Variants in MICU3 observed in about 807,000 individuals in gnomAD.
MICU3 encodes the protein calcium uptake protein 3, mitochondrial.
In MICU3, 62 loss-of-function variants were observed where a neutral mutation model predicts 66.5. That is an observed-to-expected ratio of 0.93 (90% CI 0.76 to 1.15). MICU3 has a LOEUF of 1.15. MICU3 is among the 50% of genes most tolerant of loss of function. The pLI is 0.00. For missense variants in MICU3, 779 were observed against 664.4 expected (o/e 1.17, Z -1.90); for synonymous variants, 308 against 240.7 (o/e 1.28, Z -2.59).
intron 1 of MICU3, among the ~76,000 whole-genome samples, chr8:17,060,472 C>T (rs890110812): frequency 5.9e-5 from 9 of 151,902 alleles, no homozygotes; most frequent in African/African-American, 1.5e-4. Context: ...CCACCACACC[C>T]GGCCAATTTT....
chr8:17,037,738 C>T (rs539870533), intron 1 of MICU3, among the ~76,000 whole-genome samples: 3 of 152,318 alleles, frequency 2.0e-5, no homozygotes, highest in South Asian at 4.1e-4. Flanking sequence ...AAGCCACAGA[C>T]ACTCAACATC....
intron 2 of MICU3, among the ~76,000 whole-genome samples, chr8:17,066,531 A>G (rs1286854459): frequency 2.4e-5 from 3 of 125,160 alleles, no homozygotes; most frequent in East Asian, 4.7e-4. Flanking sequence ...ATATATATAT[A>G]TATATATATA....
rs561450288 is a variant in MICU3 at position 17,067,932 on chromosome 8, T to C, written c.536-1756T>C. ...TAAATGTTGAGATATCTGTTGATTA[T>C]GATTTTGCATTATAATCTTATTTTG... On this transcript the variant is annotated intron_variant, in intron 2 of 14. Coordinates refer to ENST00000318063, the MANE Select transcript of MICU3 (RefSeq NM_181723.3). Among the ~76,000 whole-genome samples, 47 of 151,004 alleles carry C rather than the reference T, an allele frequency of 3.1e-4. No individual in the cohort carries two copies. In the East Asian group the frequency reaches 8.9e-3, roughly 29 times the overall value.
chr8:17,030,770 A>G (rs955764320), intron 1 of MICU3, among the ~76,000 whole-genome samples: 13 of 152,164 alleles, frequency 8.5e-5, no homozygotes, highest in African/African-American at 3.1e-4. Context: ...ATAGCTCCAT[A>G]GTTCCCAAGG....
intron 9 of MICU3, among the ~76,000 whole-genome samples, chr8:17,103,250 G>T (rs1384853430): frequency 2.6e-5 from 4 of 151,862 alleles, no homozygotes; most frequent in Admixed American, 6.6e-5. Flanking sequence ...CTTTATGAAA[G>T]ATTAGGAAGA....
the MICU3 span, among the ~76,000 whole-genome samples, chr8:17,136,142 G>C: frequency 3.7e-3 from 558 of 151,948 alleles, 6 homozygotes; most frequent in African/African-American, 0.013. Flanking sequence ...TCATCATCAT[G>C]GTTATTAACC....
intron 11 of MICU3, among the ~76,000 whole-genome samples, chr8:17,111,058 A>G (rs1802163534): frequency 6.6e-6 from 1 of 152,150 alleles, no homozygotes; most frequent in Admixed American, 6.5e-5. Flanking sequence ...TGCTGTGAAT[A>G]TATGTGTACA....
chr8:17,133,583 A>G, the MICU3 span, among the ~76,000 whole-genome samples: 1 of 152,082 alleles, frequency 6.6e-6, no homozygotes, highest in Non-Finnish European at 1.5e-5. Context: ...AAGCTTAGAA[A>G]TACCTCTTCC....
chr8:17,124,161 C>T (rs1038029032), downstream of MICU3, among the ~76,000 whole-genome samples: 8 of 152,000 alleles, frequency 5.3e-5, no homozygotes, highest in African/African-American at 1.9e-4. Context: ...TCAAGTCCCC[C>T]TCCAAGACAC....
At chr8:17,117,108 G>A (rs1223449257) in intron 13 of MICU3, among the ~76,000 whole-genome samples, 1 of 152,078 alleles carries the variant, frequency 6.6e-6, no homozygotes, top group Non-Finnish European at 1.5e-5. Flanking sequence ...CTCCCAAGTA[G>A]CTGGGACTAT....
At chr8:17,031,833 G>C (rs1309007696) in intron 1 of MICU3, among the ~76,000 whole-genome samples, 1 of 152,092 alleles carries the variant, frequency 6.6e-6, no homozygotes, top group Non-Finnish European at 1.5e-5. Context: ...CAAAGACATT[G>C]GCTCTCAACT....
At position 17,087,036 on chromosome 8, in the gene MICU3, G is replaced by T. The variant is rs745857178; in HGVS notation, c.849+1G>T. 6.3e-6 allele frequency: 10 copies of T among 1,594,292 alleles called. No homozygotes were observed. Among genetic ancestry groups the T allele is most frequent in the Non-Finnish European group, 8.6e-6 (10 of 1,163,592 alleles). ...AGATGAAGAAAAGCGTGCAATGCTGGTAAGAATACTTTATAGTAGCTTTAG... is the reference window on the plus strand; with the variant it reads ...AGATGAAGAAAAGCGTGCAATGCTGTTAAGAATACTTTATAGTAGCTTTAG... On this transcript the variant is annotated splice_donor_variant, in intron 7 of 14. Transcript: ENST00000318063. LOFTEE classifies it high-confidence loss of function.
chr8:17,049,370 G>C (rs1330197123), intron 1 of MICU3, among the ~76,000 whole-genome samples: 2 of 152,116 alleles, frequency 1.3e-5, no homozygotes, highest in Non-Finnish European at 2.9e-5. Context: ...TTTGTGCCTG[G>C]AGTTGAGTAG....
chr8:17,074,877 G>C (rs1225739180), intron 3 of MICU3, among the ~76,000 whole-genome samples: 1 of 151,860 alleles, frequency 6.6e-6, no homozygotes, highest in East Asian at 1.9e-4. Flanking sequence ...ATTTAATTCT[G>C]ACGCTAACCA....
At chr8:17,048,487 G>A (rs975940531) in intron 1 of MICU3, among the ~76,000 whole-genome samples, 7 of 152,180 alleles carry the variant, frequency 4.6e-5, no homozygotes, top group East Asian at 3.8e-4. Flanking sequence ...CAAGAACAGT[G>A]TGGGAAAGAC....
chr8:17,080,862 A>G (rs572469040), intron 4 of MICU3, among the ~76,000 whole-genome samples: 16 of 152,078 alleles, frequency 1.1e-4, no homozygotes, highest in Non-Finnish European at 1.9e-4. Flanking sequence ...TATTTTAAGG[A>G]TTTTTATACC....
rs137987082 is a variant in MICU3 at position 17,114,179 on chromosome 8, T to C, written c.1344T>C (p.Phe448=). 1,098 of 1,608,948 alleles carry C rather than the reference T, an allele frequency of 6.8e-4. 3 individuals carry two copies. Among genetic ancestry groups the C allele is most frequent in the Non-Finnish European group, 8.4e-4 (990 of 1,176,858 alleles). The change falls in exon 12 of 15, where the codon TTT becomes TTC. Residue 448 remains phenylalanine, a synonymous_variant. Transcript: ENST00000318063. ...CAATAGCCCTGAATATGTATAACTT[T>C]GCAAGTCGTTCTATAGGGCAAGGTA... The part of the protein sequence containing the change: ...DFAIALNMYN[F]ASRSIGQDEF...
chr8:17,085,033 C>T (rs1799320572), intron 5 of MICU3, among the ~76,000 whole-genome samples: 1 of 152,014 alleles, frequency 6.6e-6, no homozygotes, highest in Admixed American at 6.6e-5. Flanking sequence ...TGCTATGCAA[C>T]AAGTATCACA....
rs189040353 is a variant in MICU3, at chr8:17,088,368, G to A, written c.849+1333G>A. On this transcript the variant is annotated intron_variant, in intron 7 of 14. Transcript: ENST00000318063. ...GTAATTAATAAATCCTACATGAATA[G>A]CCCCATAATTGCAACTGTTTAGAGT... Among the ~76,000 whole-genome samples, 602 of 152,002 alleles carry A rather than the reference G, an allele frequency of 4.0e-3. 8 individuals carry two copies. The highest frequency in any genetic ancestry group is 0.013 in the African/African-American group (560 of 41,524).
Sources: gnomAD v4.1 joint callset for allele counts (sites outside exome capture counted in the v4.1 genomes callset) on GRCh38, gnomAD v4.1.1 for gene constraint, MANE v1.5 for transcripts, NCBI Gene and HGNC (gene_info 2026-07-23, HGNC 2026-07-21) for gene names.